The following TRAK2 variants were observed in gnomAD, a reference collection of about 807,000 sequenced individuals.
TRAK2 encodes the protein trafficking kinesin-binding protein 2.
A neutral mutation model predicts 104.6 loss-of-function variants in TRAK2; 81 were observed. That is an observed-to-expected ratio of 0.77 (90% CI 0.65 to 0.93). The LOEUF (loss-of-function observed/expected upper bound fraction) is 0.93, where lower values mean the gene tolerates loss of function less well. Among genes scored for constraint, TRAK2 ranks in the 40% least tolerant of loss-of-function variants. The pLI, the probability that TRAK2 is intolerant of heterozygous loss-of-function variation, is 0.00. For missense variants in TRAK2, 1,002 were observed against 1,089.0 expected (o/e 0.92, Z 1.12); for synonymous variants, 406 against 394.4 (o/e 1.03, Z -0.35).
At position 201,398,160 on chromosome 2, in the gene TRAK2, C is replaced by T; in HGVS notation, c.675G>A (p.Met225Ile). The T allele has an allele frequency of 6.2e-7, 1 of 1,613,526 alleles. No homozygotes were observed. Among genetic ancestry groups the T allele is most frequent in the Non-Finnish European group, 8.5e-7 (1 of 1,179,550 alleles). The change falls in exon 6 of 16, where the codon ATG (methionine) becomes ATA (isoleucine). Residue 225 changes from methionine to isoleucine, a missense_variant. Coordinates refer to ENST00000332624, the MANE Select transcript of TRAK2 (RefSeq NM_015049.3). Reference protein sequence around the residue: ...EKLKELEEENMALRSKACHIK... With the variant: ...EKLKELEEENIALRSKACHIK... ...TTGAACGTACCTTGGATCGAAGAGC[C>T]ATATTCTCTTCTTCCAGTTCCTTGA...
In TRAK2 at chr2:201,406,737, GA is replaced by G. The variant is rs535292369; in HGVS notation, c.286+665del. 2.2e-3 allele frequency among the ~76,000 whole-genome samples: 340 copies of G among 152,248 alleles called. 2 individuals carry two copies. Among genetic ancestry groups the G allele is most frequent in the African/African-American group, 7.5e-3 (311 of 41,554 alleles). ...ACATTTTTTACCAAATGAATTTTTAGAAAAGTAATTTCAGCCTTAATGCAGA... is the reference window on the plus strand; with the variant it reads ...ACATTTTTTACCAAATGAATTTTTAGAAAGTAATTTCAGCCTTAATGCAGA... On this transcript the variant is annotated intron_variant, in intron 3 of 15. Coordinates refer to ENST00000332624, the MANE Select transcript of TRAK2 (RefSeq NM_015049.3).
chr2:201,382,183 C>T (rs1010425515), intron 15 of TRAK2, among the ~76,000 whole-genome samples: 1 of 152,110 alleles, frequency 6.6e-6, no homozygotes, highest in Non-Finnish European at 1.5e-5. Flanking sequence ...TTATTCTATG[C>T]TTAGTCGAAA....
intron 2 of TRAK2, among the ~76,000 whole-genome samples, chr2:201,419,647 G>A (rs944193663): frequency 6.6e-6 from 1 of 152,148 alleles, no homozygotes; most frequent in Admixed American, 6.5e-5. Flanking sequence ...TACACTGAAT[G>A]CATATTTTTG....
chr2:201,448,938 C>A (rs567256724), intron 1 of TRAK2, among the ~76,000 whole-genome samples: 4 of 152,138 alleles, frequency 2.6e-5, no homozygotes, highest in African/African-American at 9.7e-5. Flanking sequence ...CCTCCTGCCT[C>A]GGGCTCTCAA....
intron 1 of TRAK2, among the ~76,000 whole-genome samples, chr2:201,430,434 C>A (rs911527726): frequency 2.6e-5 from 4 of 152,268 alleles, no homozygotes; most frequent in Admixed American, 2.0e-4. Context: ...GAGGTGGAGT[C>A]TACAGAGGCA....
intron 2 of TRAK2, chr2:201,410,976 A>G: frequency 1.3e-6 from 2 of 1,526,262 alleles, no homozygotes; most frequent in Non-Finnish European, 1.8e-6. Flanking sequence ...AGTAACGGGC[A>G]TGTTGAATCC....
At chr2:201,437,399 T>C (rs1951887077) in intron 1 of TRAK2, among the ~76,000 whole-genome samples, 1 of 152,200 alleles carries the variant, frequency 6.6e-6, no homozygotes, top group Admixed American at 6.5e-5. Flanking sequence ...CTATAGTTAC[T>C]CTCCAAGTCT....
At position 201,380,371 on chromosome 2, in the gene TRAK2, T is replaced by G. The variant is rs1049285946; in HGVS notation, c.*172A>C. ...CATTTATACTTTCAATTTGCCCGAC[T>G]TCCTCCATTAGGGCTCATCCCAATT... On this transcript the variant is annotated 3_prime_UTR_variant, in exon 16 of 16. Coordinates refer to ENST00000332624, the MANE Select transcript of TRAK2 (RefSeq NM_015049.3). 22 of 690,350 alleles carry G rather than the reference T, an allele frequency of 3.2e-5. No homozygotes were observed. The highest frequency in any genetic ancestry group is 4.8e-5 in the Non-Finnish European group (20 of 414,768). The allele number at this position is 690,350 out of a possible 1,614,324, so 42.8% of individuals were successfully genotyped here. A position where few individuals can be genotyped will look rare whatever the true frequency, so the allele number is the denominator to read the frequency against.
chr2:201,445,238 A>G (rs1559456951), intron 1 of TRAK2, among the ~76,000 whole-genome samples: 1 of 152,230 alleles, frequency 6.6e-6, no homozygotes, highest in Non-Finnish European at 1.5e-5. Context: ...TCACTTATAT[A>G]TAAATATTAA....
At chr2:201,404,519 G>C (rs1392209957) in intron 3 of TRAK2, among the ~76,000 whole-genome samples, 1 of 152,102 alleles carries the variant, frequency 6.6e-6, no homozygotes, top group African/African-American at 2.4e-5. Context: ...ACATACATAA[G>C]CACTTCACTA....
intron 2 of TRAK2, among the ~76,000 whole-genome samples, chr2:201,408,921 A>G (rs561232815): frequency 6.6e-6 from 1 of 152,356 alleles, no homozygotes; most frequent in African/African-American, 2.4e-5. Context: ...GTACTGAAAT[A>G]AGTCCTTTAT....
At chr2:201,410,745 C>T in intron 2 of TRAK2, 1 of 1,551,422 alleles carries the variant, frequency 6.4e-7, no homozygotes, top group Non-Finnish European at 8.9e-7. Context: ...GATTAAGCCA[C>T]TGATTTGGTT....
intron 1 of TRAK2, among the ~76,000 whole-genome samples, chr2:201,439,557 A>T (rs548604790): frequency 6.6e-6 from 1 of 152,296 alleles, no homozygotes; most frequent in African/African-American, 2.4e-5. Flanking sequence ...ACTCAGGATC[A>T]TTACTAAGAA....
Position 201,380,554 on chromosome 2 carries a change from T to C in TRAK2, c.2734A>G (p.Lys912Glu). Residue 912 changes from lysine (K) to glutamate (E), a missense_variant, in exon 16 of 16, where the codon AAG becomes GAG. Physicochemically the swap from Lys to Glu is moderately conservative, Grantham distance 56. Coordinates refer to ENST00000332624, the MANE Select transcript of TRAK2 (RefSeq NM_015049.3). ...CTSSPKMGVL[K>E]ED ...TTAACTGCTGAACCTCAGTCCTCCTTCAGGACACCCATTTTGGGTGAGGAT... is the reference window on the plus strand; with the variant it reads ...TTAACTGCTGAACCTCAGTCCTCCTCCAGGACACCCATTTTGGGTGAGGAT... 6.2e-7 allele frequency: 1 copy of C among 1,613,604 alleles called. No homozygotes were observed. Among genetic ancestry groups the C allele is most frequent in the Non-Finnish European group, 8.5e-7 (1 of 1,179,742 alleles).
rs1385307595 is a variant in TRAK2 at position 201,377,951 on chromosome 2, C to T, written c.*2592G>A. 6.6e-6 allele frequency: 1 copy of T among 151,966 alleles called. No homozygotes were observed. Among genetic ancestry groups the T allele is most frequent in the African/African-American group, 2.4e-5 (1 of 41,262 alleles). 9.4% of individuals were successfully genotyped at this position (151,966 alleles called of 1,614,324 possible). ...CATACAATTTTTATCGTAGAAAAGA[C>T]TAAAATGTGAATAGTGACAAAACAT... On this transcript the variant is annotated 3_prime_UTR_variant, in exon 16 of 16. Transcript: ENST00000332624.
intron 1 of TRAK2, among the ~76,000 whole-genome samples, chr2:201,439,296 C>A (rs1282373598): frequency 6.6e-6 from 1 of 152,136 alleles, no homozygotes; most frequent in East Asian, 1.9e-4. Context: ...AGGGCTATAC[C>A]AACTAAGCTC....
rs528839828 is a variant in TRAK2 at position 201,445,412 on chromosome 2, A to C, written c.-200+5938T>G. On this transcript the variant is annotated intron_variant, in intron 1 of 15. Transcript: ENST00000332624. ...ACAGCCTCTGCCCAAAGGGAGGTTA[A>C]AGATTTAAGAAGTCTAAGCTCCAAA... Among the ~76,000 whole-genome samples, 11 of 152,322 alleles carry C rather than the reference A, an allele frequency of 7.2e-5. No homozygotes were observed. The South Asian group carries it at 1.7e-3, about 23-fold the overall frequency.
chr2:201,395,335 G>A lies in TRAK2; in HGVS notation c.879C>T (p.Asp293=). Residue 293 remains aspartate, a synonymous_variant, in exon 8 of 16, where the codon GAC becomes GAT. Transcript: ENST00000332624. The part of the protein sequence containing the change: ...ELSSLLSQIV[D]LQHKLKEHVI... The stretch of plus-strand genomic sequence containing the variant: ...CTACTTCTTTAAGTTTGTGCTGAAG[G>A]TCTACAATCTGTGACAAAAGAGAGG... The A allele has an allele frequency of 6.2e-7, 1 of 1,605,384 alleles. No homozygotes were observed. The highest frequency in any genetic ancestry group is 8.5e-7 in the Non-Finnish European group (1 of 1,173,832).
At chr2:201,439,825 A>G (rs1951905528) in intron 1 of TRAK2, among the ~76,000 whole-genome samples, 1 of 148,498 alleles carries the variant, frequency 6.7e-6, no homozygotes, top group Non-Finnish European at 1.5e-5. Context: ...TCAGTAAACT[A>G]TCGCAAGGAC....
Sources: gnomAD v4.1 joint callset for allele counts (sites outside exome capture counted in the v4.1 genomes callset) on GRCh38, gnomAD v4.1.1 for gene constraint, MANE v1.5 for transcripts, NCBI Gene and HGNC (gene_info 2026-07-23, HGNC 2026-07-21) for gene names.